The following CTNNA2 variants were observed in gnomAD, a reference collection of about 807,000 sequenced individuals.
CTNNA2 encodes the protein catenin alpha 2, also known as catenin alpha-2.
A neutral mutation model predicts 101.0 loss-of-function variants in CTNNA2; 42 were observed. That is an observed-to-expected ratio of 0.42 (90% confidence interval 0.32 to 0.54). The LOEUF (loss-of-function observed/expected upper bound fraction) is 0.54, where lower values mean the gene tolerates loss of function less well. Ranked by LOEUF, CTNNA2 falls within the 20% of genes least tolerant of loss-of-function variation. CTNNA2 has a pLI of 0.14. For synonymous variants in CTNNA2, 450 were observed against 456.4 expected (o/e 0.99, Z 0.18); for missense variants, 871 against 1,223.1 (o/e 0.71, Z 4.29).
intron 1 of CTNNA2, among the ~76,000 whole-genome samples, chr2:79,581,061 T>TA: frequency 6.6e-6 from 1 of 152,352 alleles, no homozygotes. Flanking sequence ...AGGATTCCCT[T>TA]ACGTTATTGC....
intron 7 of CTNNA2, among the ~76,000 whole-genome samples, chr2:80,344,260 A>G (rs777807282): frequency 2.0e-5 from 3 of 151,468 alleles, no homozygotes; most frequent in Non-Finnish European, 2.9e-5. Context: ...CATCTCCCTG[A>G]TCTCTTAACT....
At chr2:79,580,391 C>A (rs1676078266) in intron 1 of CTNNA2, among the ~76,000 whole-genome samples, 1 of 152,158 alleles carries the variant, frequency 6.6e-6, no homozygotes, top group African/African-American at 2.4e-5. Context: ...GCCGGAATGA[C>A]TCTTAGCTGA....
At chr2:80,467,437 C>T (rs1310867253) in intron 9 of CTNNA2, among the ~76,000 whole-genome samples, 1 of 152,122 alleles carries the variant, frequency 6.6e-6, no homozygotes, top group Non-Finnish European at 1.5e-5. Flanking sequence ...GTACATGAAA[C>T]TTCTTTGTAC....
At chr2:80,380,288 G>A (rs959746078) in intron 7 of CTNNA2, among the ~76,000 whole-genome samples, 3 of 152,000 alleles carry the variant, frequency 2.0e-5, no homozygotes, top group Non-Finnish European at 4.4e-5. Context: ...CTCCCACCTT[G>A]GCCTCCCAAA....
At chr2:79,795,177 A>C (rs1244275203) in intron 3 of CTNNA2, among the ~76,000 whole-genome samples, 2 of 152,202 alleles carry the variant, frequency 1.3e-5, no homozygotes, top group Non-Finnish European at 1.5e-5. Flanking sequence ...TGTTCTGTTG[A>C]TGGGATGCAT....
At position 79,356,722 on chromosome 2, in the gene CTNNA2, A is replaced by T. The variant is rs1677516378; in HGVS notation, c.-317-17109A>T. 3.3e-5 allele frequency among the ~76,000 whole-genome samples: 5 copies of T among 152,192 alleles called. No individual in the cohort carries two copies. In the South Asian group the frequency reaches 1.0e-3, roughly 32 times the overall value. On this transcript the variant is annotated intron_variant, in intron 3 of 21. Transcript: ENST00000466387. ...TTGCCTCACAGAAGAAAAGTCCACCATCTAGAACAATATAGTGAGCTTTTC... is the reference window on the plus strand; with the variant it reads ...TTGCCTCACAGAAGAAAAGTCCACCTTCTAGAACAATATAGTGAGCTTTTC...
intron 13 of CTNNA2, among the ~76,000 whole-genome samples, chr2:80,576,791 A>T (rs868782710): frequency 1.0e-3 from 145 of 142,430 alleles, no homozygotes; most frequent in African/African-American, 3.8e-3. Context: ...TCTACTGAAA[A>T]AAAAAAAAAA....
chr2:79,849,720 T>C (rs2103894724), intron 3 of CTNNA2, among the ~76,000 whole-genome samples: 1 of 152,314 alleles, frequency 6.6e-6, no homozygotes, highest in Middle Eastern at 3.4e-3. Context: ...GCAAATGTTT[T>C]GGTTTCCTTG....
rs182701856 is a variant in CTNNA2, at chr2:79,554,793, G to T, written c.-6+41586G>T. 3.6e-3 allele frequency among the ~76,000 whole-genome samples: 547 copies of T among 152,250 alleles called. 3 individuals carry two copies. The highest frequency in any genetic ancestry group is 5.5e-3 in the Non-Finnish European group (376 of 68,012). On this transcript the variant is annotated intron_variant, in intron 1 of 18. Coordinates refer to ENST00000402739, the MANE Select transcript of CTNNA2 (RefSeq NM_001282597.3). ...TTATTGTCATTATTTCATAAATGAG[G>T]AGAATGGTGATACTTCCATGGTCAT...
At chr2:80,423,525 T>C (rs1214147747) in intron 9 of CTNNA2, among the ~76,000 whole-genome samples, 1 of 152,160 alleles carries the variant, frequency 6.6e-6, no homozygotes, top group East Asian at 1.9e-4. Flanking sequence ...AAAATATTAA[T>C]CACAGTTATT....
At chr2:79,734,968 A>C (rs2104939837) in intron 2 of CTNNA2, among the ~76,000 whole-genome samples, 1 of 152,294 alleles carries the variant, frequency 6.6e-6, no homozygotes, top group Admixed American at 6.5e-5. Context: ...CCATTGAGGT[A>C]AGTGGTATCA....
chr2:79,736,933 C>T (rs1002969911), intron 2 of CTNNA2, among the ~76,000 whole-genome samples: 6 of 152,186 alleles, frequency 3.9e-5, no homozygotes, highest in South Asian at 2.1e-4. Context: ...CCAAGTTCCT[C>T]GTGCCTCCAT....
intron 7 of CTNNA2, among the ~76,000 whole-genome samples, chr2:80,151,178 T>A (rs1253573437): frequency 6.6e-6 from 1 of 152,230 alleles, no homozygotes; most frequent in African/African-American, 2.4e-5. Context: ...CTATGTTTCC[T>A]TCCTGTTTGG....
At chr2:80,457,566 C>A (rs953094074) in intron 9 of CTNNA2, among the ~76,000 whole-genome samples, 3 of 152,002 alleles carry the variant, frequency 2.0e-5, no homozygotes, top group Non-Finnish European at 4.4e-5. Flanking sequence ...TAAAAATATA[C>A]AAACTCCTTA....
At chr2:80,499,319 GT>G (rs1687696774) in intron 9 of CTNNA2, among the ~76,000 whole-genome samples, 1 of 152,174 alleles carries the variant, frequency 6.6e-6, no homozygotes, top group African/African-American at 2.4e-5. Context: ...CTATGCTGCA[GT>G]GAACTTAGTG....
chr2:80,578,582 G>C (rs1368775884), intron 13 of CTNNA2, among the ~76,000 whole-genome samples: 1 of 152,186 alleles, frequency 6.6e-6, no homozygotes, highest in African/African-American at 2.4e-5. Flanking sequence ...CACATGCACA[G>C]AACTTTTTAT....
intron 7 of CTNNA2, among the ~76,000 whole-genome samples, chr2:80,238,847 A>G (rs907463449): frequency 6.6e-6 from 1 of 152,232 alleles, no homozygotes; most frequent in African/African-American, 2.4e-5. Context: ...AATTCACGCC[A>G]CAGGGATAAA....
At chr2:80,454,557 AT>A (rs2149461954) in intron 9 of CTNNA2, among the ~76,000 whole-genome samples, 1 of 152,316 alleles carries the variant, frequency 6.6e-6, no homozygotes, top group East Asian at 1.9e-4. Context: ...CAAATGTTAG[AT>A]TTTTAAAAAG....
At chr2:79,274,562 TA>T (rs1675165178) in intron 2 of CTNNA2, among the ~76,000 whole-genome samples, 1 of 152,102 alleles carries the variant, frequency 6.6e-6, no homozygotes, top group African/African-American at 2.4e-5. Flanking sequence ...AATGTTTTAC[TA>T]TATATCATTC....
Sources: gnomAD v4.1 joint callset for allele counts (sites outside exome capture counted in the v4.1 genomes callset) on GRCh38, gnomAD v4.1.1 for gene constraint, MANE v1.5 for transcripts, NCBI Gene and HGNC (gene_info 2026-07-23, HGNC 2026-07-21) for gene names.